Variants in PDE4D observed in about 807,000 individuals in gnomAD.
PDE4D encodes the protein 3',5'-cyclic-AMP phosphodiesterase 4D.
A neutral mutation model predicts 87.4 loss-of-function variants in PDE4D; 24 were observed. That is an observed-to-expected ratio of 0.27 (90% CI 0.20 to 0.39). The LOEUF (loss-of-function observed/expected upper bound fraction) is 0.39. Ranked by LOEUF, PDE4D falls within the 10% of genes least tolerant of loss-of-function variation. The probability of loss-of-function intolerance (pLI) is 1.00; values close to 1 mark genes in which losing one functional copy is unlikely to be tolerated. For synonymous variants in PDE4D, 384 were observed against 383.2 expected, an observed-to-expected ratio of 1.00 and a Z score of -0.02; for missense variants, 714 against 1,041.0, an observed-to-expected ratio of 0.69 and a Z score of 4.32.
At chr5:59,689,672 G>A (rs542381388) in intron 1 of PDE4D, among the ~76,000 whole-genome samples, 73 of 152,274 alleles carry the variant, frequency 4.8e-4, no homozygotes, top group Non-Finnish European at 8.8e-4. Flanking sequence ...AGACAGGGAT[G>A]CCCTTTCTCA....
At chr5:59,726,512 G>T (rs1237088977) in intron 1 of PDE4D, among the ~76,000 whole-genome samples, 1 of 152,100 alleles carries the variant, frequency 6.6e-6, no homozygotes, top group Non-Finnish European at 1.5e-5. Context: ...AGAAGGCACT[G>T]ACTGCAAGCC....
chr5:59,024,931 T>C (rs1474301171), intron 6 of PDE4D, among the ~76,000 whole-genome samples: 1 of 152,006 alleles, frequency 6.6e-6, no homozygotes, highest in Non-Finnish European at 1.5e-5. Context: ...TTAAAAAAGA[T>C]ACAAGAGGAC....
chr5:59,180,119 C>T (rs1270389473), intron 5 of PDE4D, among the ~76,000 whole-genome samples: 4 of 152,190 alleles, frequency 2.6e-5, no homozygotes, highest in African/African-American at 9.6e-5. Context: ...AGTTTATTCT[C>T]AGCTCTCTCA....
chr5:59,348,680 G>T (rs1240162109), intron 1 of PDE4D, among the ~76,000 whole-genome samples: 1 of 108,016 alleles, frequency 9.3e-6, no homozygotes. Flanking sequence ...ACTGTCCTTT[G>T]CATTTGATTG....
intron 1 of PDE4D, among the ~76,000 whole-genome samples, chr5:60,252,013 T>A (rs1748525569): frequency 6.6e-6 from 1 of 151,960 alleles, no homozygotes; most frequent in South Asian, 2.1e-4. Flanking sequence ...CTTGCCATTG[T>A]GTTACAATTG....
At chr5:59,822,248 T>G (rs910854251) in intron 1 of PDE4D, among the ~76,000 whole-genome samples, 3 of 152,180 alleles carry the variant, frequency 2.0e-5, no homozygotes, top group African/African-American at 7.2e-5. Context: ...GGAAACCCAG[T>G]TTTATGAACA....
At chr5:59,206,608 T>C (rs894734752) in intron 2 of PDE4D, among the ~76,000 whole-genome samples, 1 of 152,190 alleles carries the variant, frequency 6.6e-6, no homozygotes, top group African/African-American at 2.4e-5. Context: ...TCCTTTTGTA[T>C]CAAGAATTTT....
At chr5:59,000,137 G>C (rs575894229) in intron 6 of PDE4D, among the ~76,000 whole-genome samples, 9 of 152,292 alleles carry the variant, frequency 5.9e-5, no homozygotes, top group Non-Finnish European at 1.0e-4. Flanking sequence ...CTGCAGCTCT[G>C]AGGCCACCCT....
chr5:59,343,828 A>G lies in PDE4D; in HGVS notation c.456-127860T>C, dbSNP rs1779180005. On this transcript the variant is annotated intron_variant, in intron 1 of 14. Coordinates refer to ENST00000340635, the MANE Select transcript of PDE4D (RefSeq NM_001104631.2). ...CGAATGAGAAGGTTGAGGACCCATG[A>G]AGTTAAGGTAACTTGTCCATTGTTG... Among the ~76,000 whole-genome samples the G allele has an allele frequency of 3.3e-5, 5 of 152,154 alleles. No homozygotes were observed. In the South Asian group the frequency reaches 1.0e-3, roughly 31 times the overall value.
At chr5:59,001,137 T>C (rs1750454420) in intron 6 of PDE4D, among the ~76,000 whole-genome samples, 1 of 152,234 alleles carries the variant, frequency 6.6e-6, no homozygotes, top group Non-Finnish European at 1.5e-5. Flanking sequence ...CAGCATTTTC[T>C]ATTTGGTTTG....
chr5:60,257,387 T>C (rs1251316804), intron 1 of PDE4D, among the ~76,000 whole-genome samples: 1 of 151,988 alleles, frequency 6.6e-6, no homozygotes, highest in Non-Finnish European at 1.5e-5. Context: ...TTCTTTGCTA[T>C]AGGACAATTT....
rs377121444 is a variant in PDE4D at position 60,009,877 on chromosome 5, C to G, written c.43-21160G>C. On this transcript the variant is annotated intron_variant, in intron 2 of 16. Coordinates refer to the PDE4D transcript ENST00000502484. ...ACAAGGATGAAAAGCTCACATTTCA[C>G]GTTTTGTTTATGGTTAGACCTAGTA... 4.6e-5 allele frequency among the ~76,000 whole-genome samples: 7 copies of G among 152,078 alleles called. No individual in the cohort carries two copies. The South Asian group carries it at 1.5e-3, about 32-fold the overall frequency.
intron 1 of PDE4D, among the ~76,000 whole-genome samples, chr5:60,328,452 T>C (rs956462567): frequency 2.6e-5 from 4 of 152,252 alleles, no homozygotes; most frequent in African/African-American, 4.8e-5. Context: ...ACATTATGTT[T>C]ATTATATTCA....
rs114241035 is a variant in PDE4D at position 60,139,134 on chromosome 5, G to T, written c.42+46423C>A. 7.1e-3 allele frequency among the ~76,000 whole-genome samples: 1,085 copies of T among 152,078 alleles called. 10 individuals carry two copies. Among genetic ancestry groups the T allele is most frequent in the African/African-American group, 0.025 (1,031 of 41,490 alleles). ...ATTCCAAAATGATGAAGTTGCTGCTGTACACTGCTACAGTTGCTTCCTAAT... is the reference window on the plus strand; with the variant it reads ...ATTCCAAAATGATGAAGTTGCTGCTTTACACTGCTACAGTTGCTTCCTAAT... On this transcript the variant is annotated intron_variant, in intron 2 of 16. Coordinates refer to the PDE4D transcript ENST00000502484.
At chr5:59,691,667 T>C (rs1199934862) in intron 1 of PDE4D, among the ~76,000 whole-genome samples, 1 of 151,284 alleles carries the variant, frequency 6.6e-6, no homozygotes, top group East Asian at 1.9e-4. Context: ...CATGTATACA[T>C]ATGTAACGAA....
intron 1 of PDE4D, chr5:59,275,713 A>G: frequency 9.4e-7 from 1 of 1,069,474 alleles, no homozygotes; most frequent in Non-Finnish European, 1.1e-6. Context: ...TCTGGGTCAC[A>G]AGGGAAACCA....
At chr5:59,225,573 CA>C (rs1753590050) in intron 1 of PDE4D, among the ~76,000 whole-genome samples, 1 of 151,982 alleles carries the variant, frequency 6.6e-6, no homozygotes, top group South Asian at 2.1e-4. Context: ...ACATTGTGGA[CA>C]TTTTAACAAT....
chr5:59,824,364 T>C (rs1379276132), intron 1 of PDE4D, among the ~76,000 whole-genome samples: 1 of 152,198 alleles, frequency 6.6e-6, no homozygotes, highest in African/African-American at 2.4e-5. Flanking sequence ...TGGTGGTTAC[T>C]GTACCACTGT....
intron 5 of PDE4D, among the ~76,000 whole-genome samples, chr5:59,060,335 T>C (rs747421289): frequency 6.6e-6 from 1 of 150,660 alleles, no homozygotes; most frequent in Non-Finnish European, 1.5e-5. Flanking sequence ...AATATCTGTC[T>C]TCCTTAAGCC....
Sources: allele counts gnomAD v4.1 joint callset (sites outside exome capture counted in the v4.1 genomes callset), GRCh38; gene constraint gnomAD v4.1.1; transcripts MANE v1.5; gene names NCBI Gene and HGNC (gene_info 2026-07-23, HGNC 2026-07-21).